The following ANKIB1 variants were observed in gnomAD, a reference collection of about 807,000 sequenced individuals.
ANKIB1 encodes ankyrin repeat and IBR domain-containing protein 1.
A neutral mutation model predicts 122.1 loss-of-function variants in ANKIB1; 43 were observed. That is an observed-to-expected ratio of 0.35 (90% CI 0.28 to 0.45). The LOEUF (loss-of-function observed/expected upper bound fraction) is 0.45. ANKIB1 is among the 20% of genes least tolerant of loss of function. The pLI is 1.00. For missense variants in ANKIB1, 992 were observed against 1,329.5 expected, an observed-to-expected ratio of 0.75 and a Z score of 3.95; for synonymous variants, 390 against 442.0, an observed-to-expected ratio of 0.88 and a Z score of 1.48.
At chr7:92,339,461 A>G (rs535037638) in intron 5 of ANKIB1, among the ~76,000 whole-genome samples, 2 of 152,118 alleles carry the variant, frequency 1.3e-5, no homozygotes, top group African/African-American at 2.4e-5. Flanking sequence ...CTACCTTTTC[A>G]TGAGTTCTTC....
At chr7:92,301,943 CTT>C (rs35818557) in intron 2 of ANKIB1, among the ~76,000 whole-genome samples, 1 of 145,198 alleles carries the variant, frequency 6.9e-6, no homozygotes, top group Non-Finnish European at 1.5e-5. Flanking sequence ...TTCCTTTTTT[CTT>C]TTTTTTTTTG....
chr7:92,249,224 C>A lies in ANKIB1; in HGVS notation c.-91+2705C>A, dbSNP rs1317304438. Among the ~76,000 whole-genome samples the A allele has an allele frequency of 2.0e-5, 3 of 152,136 alleles. No individual in the cohort carries two copies. In the East Asian group the frequency reaches 5.8e-4, roughly 29 times the overall value. On this transcript the variant is annotated intron_variant, in intron 1 of 19. Coordinates refer to ENST00000265742, the MANE Select transcript of ANKIB1 (RefSeq NM_019004.2). ...TTCATGTCCACTTCATTTCAGTAAA[C>A]CTTTGTTGAGCATCTACTGTGTGTG...
chr7:92,313,278 G>T (rs149281430), intron 3 of ANKIB1, among the ~76,000 whole-genome samples: 1,653 of 152,206 alleles, frequency 0.011, 17 homozygotes, highest in Non-Finnish European at 0.014. Flanking sequence ...CAGCTACAGG[G>T]CCTATTTGAC....
chr7:92,261,115 C>T (rs1273171264), intron 1 of ANKIB1, among the ~76,000 whole-genome samples: 3 of 151,686 alleles, frequency 2.0e-5, no homozygotes, highest in East Asian at 1.9e-4. Context: ...TTTGGGAGGC[C>T]GAGGCGGGCG....
chr7:92,390,582 T>C (rs1804763912), intron 15 of ANKIB1, among the ~76,000 whole-genome samples: 1 of 152,246 alleles, frequency 6.6e-6, no homozygotes, highest in Non-Finnish European at 1.5e-5. Context: ...AATAACTTCA[T>C]TGTGCATTTC....
At chr7:92,348,120 G>A in intron 7 of ANKIB1, 1 of 323,696 alleles carries the variant, frequency 3.1e-6, no homozygotes, top group Non-Finnish European at 6.0e-6. Context: ...TAATAATATG[G>A]CCAACAGAAC....
chr7:92,294,992 C>T lies in ANKIB1; in HGVS notation c.14C>T (p.Thr5Ile), dbSNP rs775839649. 1.3e-6 allele frequency: 2 copies of T among 1,597,692 alleles called. No homozygotes were observed. The highest frequency in any genetic ancestry group is 2.7e-5 in the African/African-American group (2 of 74,492). MGNT[T>I]TKFRKALING... ...ACAAAACAAAACATGGGAAATACAA[C>T]CACCAAATTCCGTAAAGCACTCATC... Residue 5 changes from threonine to isoleucine, a missense_variant, in exon 2 of 20, where the codon ACC becomes ATC. This residue lies in a region of ANKIB1 where 54 missense variants were observed against 112.3 expected (regional missense o/e 0.48). Transcript: ENST00000265742.
chr7:92,276,357 A>G (rs987481710), intron 1 of ANKIB1, among the ~76,000 whole-genome samples: 2 of 152,230 alleles, frequency 1.3e-5, no homozygotes, highest in South Asian at 4.1e-4. Context: ...CAGACACTGT[A>G]TATATACTGA....
intron 6 of ANKIB1, among the ~76,000 whole-genome samples, chr7:92,343,753 T>A (rs78014482): frequency 0.015 from 2,303 of 152,296 alleles, 53 homozygotes; most frequent in African/African-American, 0.052. Context: ...ACAAAAACAT[T>A]TTTTATAATT....
At chr7:92,377,774 A>C (rs1204601439) in intron 11 of ANKIB1, among the ~76,000 whole-genome samples, 2 of 152,182 alleles carry the variant, frequency 1.3e-5, no homozygotes, top group African/African-American at 4.8e-5. Flanking sequence ...GAAGAGATAG[A>C]GTATCCCCAA....
intron 2 of ANKIB1, among the ~76,000 whole-genome samples, chr7:92,301,116 T>C (rs1802449625): frequency 6.6e-6 from 1 of 152,210 alleles, no homozygotes; most frequent in Admixed American, 6.5e-5. Flanking sequence ...AGGTTGTTTC[T>C]GTATCTTATC....
At chr7:92,350,391 A>C (rs1292152150) in intron 7 of ANKIB1, among the ~76,000 whole-genome samples, 1 of 152,132 alleles carries the variant, frequency 6.6e-6, no homozygotes, top group African/African-American at 2.4e-5. Flanking sequence ...ATTTTTAGAG[A>C]GGGTAAAGCA....
chr7:92,377,823 A>G (rs1178214862), intron 11 of ANKIB1, among the ~76,000 whole-genome samples: 1 of 152,158 alleles, frequency 6.6e-6, no homozygotes, highest in Non-Finnish European at 1.5e-5. Flanking sequence ...AAGTTTTTCA[A>G]AAATCTCCCA....
chr7:92,313,268 C>T (rs528412494), intron 3 of ANKIB1, among the ~76,000 whole-genome samples: 1 of 152,252 alleles, frequency 6.6e-6, no homozygotes, highest in East Asian at 1.9e-4. Context: ...TTTTCCTTTA[C>T]AGCTACAGGG....
intron 1 of ANKIB1, among the ~76,000 whole-genome samples, chr7:92,251,553 ACT>A (rs756755316): frequency 6.6e-6 from 1 of 151,816 alleles, no homozygotes; most frequent in Non-Finnish European, 1.5e-5. Flanking sequence ...AGTACAAAGA[ACT>A]CTTACATCCC....
At chr7:92,264,215 G>A (rs1302537442) in intron 1 of ANKIB1, among the ~76,000 whole-genome samples, 1 of 150,470 alleles carries the variant, frequency 6.6e-6, no homozygotes, top group Non-Finnish European at 1.5e-5. Context: ...GAAAAGGAGG[G>A]AAAGGGATTG....
chr7:92,351,446 A>G (rs1803660750), intron 8 of ANKIB1, among the ~76,000 whole-genome samples: 1 of 152,188 alleles, frequency 6.6e-6, no homozygotes. Flanking sequence ...TCCAAAAGAC[A>G]TTATCTTTCA....
intron 2 of ANKIB1, among the ~76,000 whole-genome samples, chr7:92,299,686 C>T (rs1013151035): frequency 6.6e-6 from 1 of 152,110 alleles, no homozygotes; most frequent in African/African-American, 2.4e-5. Context: ...AACAATGCCG[C>T]TCTTTTCACT....
intron 8 of ANKIB1, 43 bp from the exon 9 acceptor site, chr7:92,352,433 T>G: frequency 6.3e-7 from 1 of 1,595,068 alleles, no homozygotes; most frequent in Non-Finnish European, 8.6e-7. Flanking sequence ...GAATTTAGCA[T>G]TAAAATATTT....
Sources: gnomAD v4.1 joint callset for allele counts (sites outside exome capture counted in the v4.1 genomes callset) on GRCh38, gnomAD v4.1.1 for gene constraint, gnomAD v4.1.1 regional missense constraint, MANE v1.5 for transcripts, NCBI Gene and HGNC (gene_info 2026-07-23, HGNC 2026-07-21) for gene names.